XKR4: variants seen among roughly 807,000 people sequenced by gnomAD.
XKR4 encodes XK related 4.
In XKR4, 12 loss-of-function variants were observed where a neutral mutation model predicts 53.9. The ratio of observed to expected loss-of-function variants is 0.22; its 90% CI spans 0.14 to 0.36. XKR4 has a LOEUF of 0.36. XKR4 is among the 10% of genes least tolerant of loss of function. XKR4 has a pLI of 1.00. For missense variants in XKR4, 799 were observed against 859.5 expected (o/e 0.93, Z 0.88); for synonymous variants, 354 against 362.4 (o/e 0.98, Z 0.26).
At chr8:55,398,777 T>G (rs1022026543) in intron 2 of XKR4, among the ~76,000 whole-genome samples, 1 of 152,234 alleles carries the variant, frequency 6.6e-6, no homozygotes, top group Non-Finnish European at 1.5e-5. Context: ...CATTTATATT[T>G]AAAATGTTAA....
chr8:55,312,827 C>A (rs963329450), intron 1 of XKR4, among the ~76,000 whole-genome samples: 4 of 152,044 alleles, frequency 2.6e-5, no homozygotes, highest in African/African-American at 9.7e-5. Flanking sequence ...AATCTAAGAC[C>A]CTTTCTATCA....
At chr8:55,513,326 A>T (rs1251242630) in intron 2 of XKR4, among the ~76,000 whole-genome samples, 1 of 152,188 alleles carries the variant, frequency 6.6e-6, no homozygotes, top group Non-Finnish European at 1.5e-5. Context: ...GGGCCATCGA[A>T]TTCACATGCA....
intron 2 of XKR4, among the ~76,000 whole-genome samples, chr8:55,381,650 C>T (rs1478211752): frequency 6.6e-6 from 1 of 152,004 alleles, no homozygotes; most frequent in South Asian, 2.1e-4. Flanking sequence ...AAGCCACCCA[C>T]ATTGAGAGCA....
chr8:55,246,953 C>T (rs1685023361), intron 1 of XKR4, among the ~76,000 whole-genome samples: 1 of 152,104 alleles, frequency 6.6e-6, no homozygotes, highest in African/African-American at 2.4e-5. Flanking sequence ...TGAGTACAGA[C>T]CTGCAGAAAG....
At chr8:55,497,160 A>G (rs997472864) in intron 2 of XKR4, among the ~76,000 whole-genome samples, 6 of 152,224 alleles carry the variant, frequency 3.9e-5, no homozygotes, top group African/African-American at 1.4e-4. Flanking sequence ...CCTGAACCGT[A>G]TTTCCCAGAT....
At chr8:55,286,868 G>A (rs1020730425) in intron 1 of XKR4, among the ~76,000 whole-genome samples, 4 of 152,158 alleles carry the variant, frequency 2.6e-5, no homozygotes, top group African/African-American at 9.6e-5. Context: ...AGAGCTAGAT[G>A]TTAAAAGGTC....
At chr8:55,169,014 T>G (rs1441633414) in intron 1 of XKR4, among the ~76,000 whole-genome samples, 1 of 152,224 alleles carries the variant, frequency 6.6e-6, no homozygotes, top group East Asian at 1.9e-4. Context: ...TTTATTTGTT[T>G]CAAATCATGT....
At chr8:55,518,525 A>C (rs1015525236) in intron 2 of XKR4, among the ~76,000 whole-genome samples, 6 of 152,216 alleles carry the variant, frequency 3.9e-5, no homozygotes, top group Admixed American at 1.3e-4. Context: ...AACAAGCACA[A>C]AATGAAGCAT....
chr8:55,124,949 T>C (rs899633466), intron 1 of XKR4, among the ~76,000 whole-genome samples: 2 of 152,202 alleles, frequency 1.3e-5, no homozygotes, highest in African/African-American at 4.8e-5. Context: ...GCTTGAAATA[T>C]TACATTTGAT....
chr8:55,142,809 G>A (rs939254335), intron 1 of XKR4, among the ~76,000 whole-genome samples: 4 of 152,188 alleles, frequency 2.6e-5, no homozygotes, highest in Non-Finnish European at 5.9e-5. Context: ...TGTAACATAC[G>A]TGCACAAACA....
At chr8:55,307,731 A>G (rs975985033) in intron 1 of XKR4, among the ~76,000 whole-genome samples, 1 of 152,186 alleles carries the variant, frequency 6.6e-6, no homozygotes, top group African/African-American at 2.4e-5. Context: ...AGGGGAGTAC[A>G]AATTAAAACC....
intron 2 of XKR4, among the ~76,000 whole-genome samples, chr8:55,429,474 C>T (rs1805068809): frequency 6.6e-6 from 1 of 151,792 alleles, no homozygotes; most frequent in Non-Finnish European, 1.5e-5. Context: ...CTTTGGGAGC[C>T]AAGGCAGGAG....
At chr8:55,115,832 TAAG>T (rs1463411518) in intron 1 of XKR4, among the ~76,000 whole-genome samples, 3 of 152,142 alleles carry the variant, frequency 2.0e-5, no homozygotes, top group African/African-American at 7.2e-5. Context: ...AACCAATCTC[TAAG>T]AAGATAATTA....
intron 1 of XKR4, among the ~76,000 whole-genome samples, chr8:55,179,397 G>A (rs934194782): frequency 6.6e-6 from 1 of 152,106 alleles, no homozygotes; most frequent in East Asian, 1.9e-4. Context: ...ACGTTCTCAG[G>A]TTTTAGCAAG....
At chr8:55,455,053 C>A in intron 2 of XKR4, 1 of 724,910 alleles carries the variant, frequency 1.4e-6, no homozygotes, top group Non-Finnish European at 2.5e-6. Flanking sequence ...CCGGGAAGAA[C>A]TGCAGAATCT....
intron 1 of XKR4, among the ~76,000 whole-genome samples, chr8:55,303,475 C>T (rs1422725751): frequency 2.0e-5 from 3 of 152,156 alleles, no homozygotes; most frequent in African/African-American, 4.8e-5. Context: ...GGTTGTGTCT[C>T]TGCCAGGCTT....
chr8:55,397,575 G>A (rs941719893), intron 2 of XKR4, among the ~76,000 whole-genome samples: 1 of 120,930 alleles, frequency 8.3e-6, no homozygotes, highest in African/African-American at 3.6e-5. Flanking sequence ...TGCCCTTAAC[G>A]AAGTTCAATG....
intron 1 of XKR4, among the ~76,000 whole-genome samples, chr8:55,339,593 T>C (rs932719601): frequency 2.6e-5 from 4 of 152,192 alleles, no homozygotes; most frequent in Non-Finnish European, 5.9e-5. Flanking sequence ...CTGGGTGACA[T>C]GGCACCTTCT....
chr8:55,494,027 T>C (rs1806306590), intron 2 of XKR4, among the ~76,000 whole-genome samples: 1 of 152,262 alleles, frequency 6.6e-6, no homozygotes, highest in African/African-American at 2.4e-5. Flanking sequence ...TTCTGCCCAT[T>C]TGGCCTGTCA....
Sources: allele counts gnomAD v4.1 joint callset (sites outside exome capture counted in the v4.1 genomes callset), GRCh38; gene constraint gnomAD v4.1.1; transcripts MANE v1.5; gene names NCBI Gene and HGNC (gene_info 2026-07-23, HGNC 2026-07-21).